Variants in IL1RAPL2 observed in about 807,000 individuals in gnomAD.
IL1RAPL2 encodes interleukin 1 receptor accessory protein like 2.
IL1RAPL2 carries 3 observed loss-of-function variants against 44.1 expected under a neutral mutation model. That is an observed-to-expected ratio of 0.07 (90% CI 0.03 to 0.18). IL1RAPL2 has a LOEUF of 0.18. Ranked by LOEUF, IL1RAPL2 falls within the 10% of genes least tolerant of loss-of-function variation. The pLI is 1.00. For synonymous variants in IL1RAPL2, 181 were observed against 178.8 expected (o/e 1.01, Z -0.10); for missense variants, 391 against 496.4 (o/e 0.79, Z 2.02).
At chrX:105,574,482 C>G (rs774931008) in intron 6 of IL1RAPL2, among the ~76,000 whole-genome samples, 1 of 111,742 alleles carries the variant, frequency 8.9e-6, no homozygotes, top group African/African-American at 3.2e-5. Flanking sequence ...CAGGCTAATC[C>G]AAAAAGAGCT....
At chrX:104,987,165 A>G (rs1338120290) in intron 2 of IL1RAPL2, among the ~76,000 whole-genome samples, 1 of 111,704 alleles carries the variant, frequency 9.0e-6, no homozygotes, top group Non-Finnish European at 1.9e-5. Context: ...TATCCAGACA[A>G]TAAGCACAAA....
Position 104,910,094 on chromosome X carries a change from C to T in IL1RAPL2, c.82+251099C>T, listed in dbSNP as rs769482790. On this transcript the variant is annotated intron_variant, in intron 2 of 10. Transcript: ENST00000372582. Reference sequence around the variant, plus strand: ...AAGCCTGTCGGAAAAGCGCAGTATTCGGTTGGGAGTGGCCTGATTTTCCAG... The same window carrying T: ...AAGCCTGTCGGAAAAGCGCAGTATTTGGTTGGGAGTGGCCTGATTTTCCAG... Among the ~76,000 whole-genome samples the T allele has an allele frequency of 8.8e-4, 99 of 112,421 alleles. 2 individuals are homozygous for T. Among genetic ancestry groups the T allele is most frequent in the Admixed American group, 7.1e-3 (76 of 10,675 alleles).
intron 1 of IL1RAPL2, among the ~76,000 whole-genome samples, chrX:104,582,467 C>T (rs1400388426): frequency 9.0e-6 from 1 of 111,238 alleles, no homozygotes; most frequent in Non-Finnish European, 1.9e-5. Flanking sequence ...GGTGAACAGT[C>T]AACAAGTAAT....
At chrX:105,525,651 A>G (rs1211215338) in intron 6 of IL1RAPL2, among the ~76,000 whole-genome samples, 3 of 111,453 alleles carry the variant, frequency 2.7e-5, no homozygotes, top group African/African-American at 9.8e-5. Flanking sequence ...AATGATTGGC[A>G]CAGATATGGG....
rs188379864 is a variant in IL1RAPL2, at chrX:105,162,134, T to C, written c.83-33341T>C. ...GCTACAATGGCAAGAGCACTTGTTATAGAGTCAAACATGGAGTTGTAACTT... is the reference window on the plus strand; with the variant it reads ...GCTACAATGGCAAGAGCACTTGTTACAGAGTCAAACATGGAGTTGTAACTT... On this transcript the variant is annotated intron_variant, in intron 2 of 10. Transcript: ENST00000372582. Among the ~76,000 whole-genome samples the C allele has an allele frequency of 1.2e-3, 137 of 112,333 alleles. 1 individual carries two copies. The highest frequency in any genetic ancestry group is 4.2e-3 in the African/African-American group (130 of 30,951).
intron 2 of IL1RAPL2, among the ~76,000 whole-genome samples, chrX:104,961,385 ATT>A (rs1428823437): frequency 1.8e-5 from 2 of 111,594 alleles, no homozygotes; most frequent in African/African-American, 6.5e-5. Context: ...AGCTTTTCAG[ATT>A]TGTCTGAGTT....
At chrX:104,634,984 C>T (rs1230012404) in intron 1 of IL1RAPL2, among the ~76,000 whole-genome samples, 4 of 111,496 alleles carry the variant, frequency 3.6e-5, no homozygotes, top group Non-Finnish European at 7.5e-5. Context: ...CTGGTACTGA[C>T]TGTTCCTTTC....
chrX:105,356,360 C>T (rs1431498716), intron 5 of IL1RAPL2, among the ~76,000 whole-genome samples: 1 of 111,480 alleles, frequency 9.0e-6, no homozygotes, highest in East Asian at 2.8e-4. Context: ...CTCTTTCCAA[C>T]ATCCAGAACA....
At chrX:105,412,776 A>G (rs1370222134) in intron 5 of IL1RAPL2, among the ~76,000 whole-genome samples, 3 of 111,970 alleles carry the variant, frequency 2.7e-5, no homozygotes, top group Non-Finnish European at 5.6e-5. Flanking sequence ...ACATTTATGC[A>G]TCTAAACATT....
At chrX:105,044,868 G>C (rs2031816599) in intron 2 of IL1RAPL2, among the ~76,000 whole-genome samples, 1 of 110,753 alleles carries the variant, frequency 9.0e-6, no homozygotes, top group African/African-American at 3.3e-5. Flanking sequence ...CTGAAAACAG[G>C]GAAAATAAGG....
At chrX:104,736,358 T>C (rs1260934055) in intron 2 of IL1RAPL2, among the ~76,000 whole-genome samples, 1 of 112,285 alleles carries the variant, frequency 8.9e-6, no homozygotes, top group Admixed American at 9.5e-5. Flanking sequence ...TAGCGCATGA[T>C]AGATGCTCAA....
intron 2 of IL1RAPL2, among the ~76,000 whole-genome samples, chrX:104,998,692 A>G (rs2030793880): frequency 9.0e-6 from 1 of 111,715 alleles, no homozygotes; most frequent in South Asian, 3.8e-4. Context: ...GCTTGAGCCC[A>G]GGAGGTAGAG....
At chrX:105,054,162 C>G (rs936885847) in intron 2 of IL1RAPL2, among the ~76,000 whole-genome samples, 7 of 111,005 alleles carry the variant, frequency 6.3e-5, no homozygotes, top group African/African-American at 2.3e-4. Context: ...TACACACACA[C>G]ACACATACAC....
chrX:105,434,234 GA>G (rs2035866528), intron 5 of IL1RAPL2, among the ~76,000 whole-genome samples: 1 of 112,013 alleles, frequency 8.9e-6, no homozygotes, highest in Admixed American at 9.5e-5. Context: ...ACCAAGTGCT[GA>G]CAAGGATGTG....
At chrX:104,645,556 C>G (rs941994785) in intron 1 of IL1RAPL2, among the ~76,000 whole-genome samples, 10 of 112,157 alleles carry the variant, frequency 8.9e-5, no homozygotes, top group African/African-American at 3.2e-4. Context: ...TCACTTTCTC[C>G]AGACACCTTT....
chrX:105,604,074 TAAAC>T (rs1718203177), intron 6 of IL1RAPL2, among the ~76,000 whole-genome samples: 1 of 109,883 alleles, frequency 9.1e-6, no homozygotes, highest in Non-Finnish European at 1.9e-5. Flanking sequence ...AGATTTCAAA[TAAAC>T]AACCCTACAA....
intron 6 of IL1RAPL2, among the ~76,000 whole-genome samples, chrX:105,705,460 G>A (rs2038158728): frequency 9.0e-6 from 1 of 111,024 alleles, no homozygotes; most frequent in Non-Finnish European, 1.9e-5. Flanking sequence ...ATACAAGACA[G>A]TGTGAGAAAT....
chrX:105,012,596 C>T (rs2031069704), intron 2 of IL1RAPL2, among the ~76,000 whole-genome samples: 1 of 55,769 alleles, frequency 1.8e-5, no homozygotes, highest in Admixed American at 2.0e-4. Context: ...CTAACTTTCT[C>T]TTTCTCTCTC....
intron 2 of IL1RAPL2, among the ~76,000 whole-genome samples, chrX:104,885,373 A>G (rs1401309408): frequency 8.9e-6 from 1 of 111,745 alleles, no homozygotes; most frequent in African/African-American, 3.3e-5. Flanking sequence ...ATTAGGAAAA[A>G]GCCCATGAAT....
Sources: allele counts gnomAD v4.1 joint callset (sites outside exome capture counted in the v4.1 genomes callset), GRCh38; gene constraint gnomAD v4.1.1; transcripts MANE v1.5; gene names NCBI Gene and HGNC (gene_info 2026-07-23, HGNC 2026-07-21).